CALD1: variants seen among roughly 807,000 people sequenced by gnomAD.
CALD1 encodes the protein caldesmon.
In CALD1, 33 loss-of-function variants were observed where a neutral mutation model predicts 99.9. The observed-to-expected ratio is 0.33, with a 90% CI of 0.25 to 0.44. The LOEUF is 0.44. Ranked by LOEUF, CALD1 falls within the 20% of genes least tolerant of loss-of-function variation. CALD1 has a pLI of 1.00. For synonymous variants in CALD1, 310 were observed against 325.0 expected, an observed-to-expected ratio of 0.95 and a Z score of 0.50; for missense variants, 861 against 962.1, an observed-to-expected ratio of 0.89 and a Z score of 1.39.
chr7:134,927,243 G>C lies in CALD1; in HGVS notation c.72-1511G>C, dbSNP rs146556823. Among the ~76,000 whole-genome samples the C allele has an allele frequency of 2.1e-4, 32 of 152,216 alleles. No individual in the cohort carries two copies. In the East Asian group the frequency reaches 5.8e-3, roughly 28 times the overall value. On this transcript the variant is annotated intron_variant, in intron 3 of 14. Coordinates refer to ENST00000361675, the MANE Select transcript of CALD1 (RefSeq NM_033138.4). ...GCCCCAATTCTTTATTTGGAAATAAGTATTAGGAGAAACATATCTAGCATA... is the reference window on the plus strand; with the variant it reads ...GCCCCAATTCTTTATTTGGAAATAACTATTAGGAGAAACATATCTAGCATA...
intron 9 of CALD1, 52 bp downstream of exon 9, chr7:134,950,566 T>C (rs1318383762): frequency 7.5e-6 from 11 of 1,464,848 alleles, no homozygotes; most frequent in Non-Finnish European, 1.0e-5. Flanking sequence ...GACTGGATTT[T>C]AGCCCCTTGT....
intron 1 of CALD1, among the ~76,000 whole-genome samples, chr7:134,801,606 C>T (rs529417572): frequency 6.6e-6 from 1 of 152,176 alleles, no homozygotes; most frequent in East Asian, 1.9e-4. Flanking sequence ...GAAGAAATCA[C>T]ATTTTCTTCT....
At chr7:134,890,704 C>T (rs1273989993) in intron 3 of CALD1, among the ~76,000 whole-genome samples, 2 of 152,192 alleles carry the variant, frequency 1.3e-5, no homozygotes, top group Non-Finnish European at 2.9e-5. Context: ...GCTTTCCAAG[C>T]CGCTGCTGAC....
At chr7:134,735,671 G>C in the CALD1 span, among the ~76,000 whole-genome samples, 1 of 151,726 alleles carries the variant, frequency 6.6e-6, no homozygotes, top group Admixed American at 6.6e-5. Flanking sequence ...CAAGCACTAT[G>C]AGGTTTCTAG....
At chr7:134,808,103 CT>C (rs35834412) in intron 1 of CALD1, among the ~76,000 whole-genome samples, 80,652 of 142,082 alleles carry the variant, frequency 0.57, 22,948 homozygotes, top group East Asian at 0.9. Context: ...CCCATTCCAT[CT>C]TTTTTTTTTT....
chr7:134,717,564 T>C, the CALD1 span, among the ~76,000 whole-genome samples: 187 of 152,350 alleles, frequency 1.2e-3, no homozygotes, highest in African/African-American at 4.2e-3. Context: ...AATGGTGTGA[T>C]GCAGAGAAAG....
intron 1 of CALD1, among the ~76,000 whole-genome samples, chr7:134,765,941 G>A (rs375296002): frequency 6.6e-6 from 1 of 152,158 alleles, no homozygotes; most frequent in South Asian, 2.1e-4. Context: ...GTTTAAAAGT[G>A]TATGGCACCT....
chr7:134,850,388 G>A (rs938923500), intron 2 of CALD1, among the ~76,000 whole-genome samples: 1 of 152,204 alleles, frequency 6.6e-6, no homozygotes, highest in Admixed American at 6.5e-5. Context: ...CTGGGGCTGA[G>A]TTGCCTGGAT....
chr7:134,797,035 T>C (rs1009599815), intron 1 of CALD1, among the ~76,000 whole-genome samples: 4 of 151,330 alleles, frequency 2.6e-5, no homozygotes, highest in African/African-American at 9.8e-5. Flanking sequence ...TCTTTTTTTC[T>C]TTTTTTTGAG....
chr7:134,874,888 T>C (rs113969477), intron 3 of CALD1, among the ~76,000 whole-genome samples: 3,141 of 152,310 alleles, frequency 0.021, 48 homozygotes, highest in Non-Finnish European at 0.031. Context: ...GAGACTTTTT[T>C]ACATGATTTA....
the CALD1 span, among the ~76,000 whole-genome samples, chr7:134,738,231 A>G: frequency 6.6e-6 from 1 of 152,210 alleles, no homozygotes; most frequent in African/African-American, 2.4e-5. Flanking sequence ...GAAATGGAGA[A>G]TCAGTTCACA....
At chr7:134,957,941 T>A in intron 9 of CALD1, 128 bp from the exon 10 acceptor site, 1 of 691,976 alleles carries the variant, frequency 1.4e-6, no homozygotes, top group Non-Finnish European at 2.6e-6. Flanking sequence ...CTACGCACAG[T>A]AACTCAAATA....
chr7:134,860,690 A>G (rs538711610), intron 2 of CALD1, among the ~76,000 whole-genome samples: 11 of 152,360 alleles, frequency 7.2e-5, no homozygotes, highest in African/African-American at 2.2e-4. Flanking sequence ...AAAGTAAAAT[A>G]CTAATACAAA....
chr7:134,906,193 G>T (rs1039359889), intron 3 of CALD1, among the ~76,000 whole-genome samples: 1 of 151,492 alleles, frequency 6.6e-6, no homozygotes, highest in African/African-American at 2.4e-5. Flanking sequence ...GACTCCCAAA[G>T]TGCTGGGATT....
At chr7:134,857,107 A>G (rs543863907) in intron 2 of CALD1, among the ~76,000 whole-genome samples, 16 of 152,132 alleles carry the variant, frequency 1.1e-4, no homozygotes, top group South Asian at 2.1e-4. Flanking sequence ...TATCAGTACA[A>G]ACTCAGGCTA....
rs1257106839 is a variant in CALD1 at position 134,906,516 on chromosome 7, A to G, written c.72-22238A>G. ...CACCTTGTAAGTCCTGCACAAATGC[A>G]AATTATCACTGTTAAGTAAGCTTCA... On this transcript the variant is annotated intron_variant, in intron 3 of 14. Transcript: ENST00000361675. Among the ~76,000 whole-genome samples, 4 of 152,238 alleles carry G rather than the reference A, an allele frequency of 2.6e-5. No individual in the cohort carries two copies. The East Asian group carries it at 7.7e-4, about 29-fold the overall frequency.
chr7:134,828,675 A>G (rs972999815), intron 1 of CALD1, among the ~76,000 whole-genome samples: 2 of 152,214 alleles, frequency 1.3e-5, no homozygotes, highest in Non-Finnish European at 2.9e-5. Context: ...TAGGATTCTT[A>G]GGAAAATCCA....
At chr7:134,929,429 A>G (rs1172340432) in intron 4 of CALD1, among the ~76,000 whole-genome samples, 1 of 150,984 alleles carries the variant, frequency 6.6e-6, no homozygotes, top group African/African-American at 2.4e-5. Context: ...AGTGTCCATT[A>G]TATCACTTTT....
At chr7:134,801,760 A>C (rs1797950791) in intron 1 of CALD1, among the ~76,000 whole-genome samples, 1 of 150,354 alleles carries the variant, frequency 6.7e-6, no homozygotes, top group Non-Finnish European at 1.5e-5. Flanking sequence ...CTGGGACTAC[A>C]GGCACTCACC....
Sources: gnomAD v4.1 joint callset for allele counts (sites outside exome capture counted in the v4.1 genomes callset) on GRCh38, gnomAD v4.1.1 for gene constraint, MANE v1.5 for transcripts, NCBI Gene and HGNC (gene_info 2026-07-23, HGNC 2026-07-21) for gene names.